PTPRQ: variants seen among roughly 807,000 people sequenced by gnomAD.
The protein encoded by PTPRQ is phosphatidylinositol phosphatase PTPRQ.
PTPRQ carries 199 observed loss-of-function variants against 246.0 expected under a neutral mutation model. The observed-to-expected ratio is 0.81, with a 90% confidence interval of 0.72 to 0.91. The LOEUF is 0.91. Ranked by LOEUF, PTPRQ falls within the 40% of genes least tolerant of loss-of-function variation. The pLI is 0.00. For missense variants in PTPRQ, 2,624 were observed against 2,528.4 expected (o/e 1.04, Z -0.81); for synonymous variants, 869 against 853.2 (o/e 1.02, Z -0.32).
chr12:80,534,823 A>G, intron 18 of PTPRQ, 69 bp from the exon 19 acceptor site: 2 of 1,474,092 alleles, frequency 1.4e-6, no homozygotes, highest in Non-Finnish European at 1.8e-6. Flanking sequence ...CTGTAGGTAA[A>G]ATTCAGGCCA....
At chr12:80,466,122 A>C (rs1387411512) in intron 6 of PTPRQ, among the ~76,000 whole-genome samples, 1 of 152,246 alleles carries the variant, frequency 6.6e-6, no homozygotes, top group Non-Finnish European at 1.5e-5. Context: ...GTCTCAGCCC[A>C]AAATCTCCTT....
intron 8 of PTPRQ, among the ~76,000 whole-genome samples, chr12:80,477,673 C>T (rs1893860872): frequency 6.6e-6 from 1 of 151,894 alleles, no homozygotes; most frequent in Non-Finnish European, 1.5e-5. Flanking sequence ...GGTGTGCGCA[C>T]CGTGTGCGAG....
rs1238528304 is a variant in PTPRQ, at chr12:80,468,821, A to C, written c.1022A>C (p.Glu341Ala). 2 of 1,548,998 alleles carry C rather than the reference A, an allele frequency of 1.3e-6. No homozygotes were observed. The highest frequency in any genetic ancestry group is 1.7e-6 in the Non-Finnish European group (2 of 1,145,880). ...IVTGKFSYRVELYGPSGRILD... is the reference protein window; with the variant it reads ...IVTGKFSYRVALYGPSGRILD... The stretch of plus-strand genomic sequence containing the variant: ...ACAGGGAAATTTAGTTATAGAGTTG[A>C]ATTATATGGACCATCAGGTAAGCCT... The change falls in exon 7 of 45, where the codon GAA (glutamate) becomes GCA (alanine). Residue 341 changes from glutamate (E) to alanine (A), a missense_variant. Glu to Ala is a moderately radical substitution (Grantham distance 107, BLOSUM62 -1). Transcript: ENST00000644991.
intron 26 of PTPRQ, among the ~76,000 whole-genome samples, chr12:80,595,926 A>C (rs1213189265): frequency 6.6e-6 from 1 of 152,156 alleles, no homozygotes; most frequent in African/African-American, 2.4e-5. Context: ...ATTGCATGTA[A>C]GAAATATGAA....
At chr12:80,473,905 A>G (rs1893731386) in intron 8 of PTPRQ, among the ~76,000 whole-genome samples, 1 of 152,192 alleles carries the variant, frequency 6.6e-6, no homozygotes. Flanking sequence ...CACTCCTCCT[A>G]TAGATCACAC....
chr12:80,543,051 G>A (rs552675453), intron 23 of PTPRQ, among the ~76,000 whole-genome samples, 170 bp downstream of exon 23: 1 of 152,120 alleles, frequency 6.6e-6, no homozygotes, highest in South Asian at 2.1e-4. Context: ...GCAAGCGTTT[G>A]ACAGATATAT....
intron 8 of PTPRQ, among the ~76,000 whole-genome samples, chr12:80,482,735 C>G (rs1051919183): frequency 9.9e-5 from 15 of 151,302 alleles, no homozygotes; most frequent in Admixed American, 3.9e-4. Flanking sequence ...AGACACTTCT[C>G]AAAAGAAGAC....
At chr12:80,614,134 G>C (rs942606352) in intron 29 of PTPRQ, among the ~76,000 whole-genome samples, 2 of 150,526 alleles carry the variant, frequency 1.3e-5, no homozygotes, top group Admixed American at 6.7e-5. Context: ...GATATATAAA[G>C]AGATAACTCT....
intron 38 of PTPRQ, among the ~76,000 whole-genome samples, chr12:80,657,760 A>G (rs1900491079): frequency 6.6e-6 from 1 of 151,936 alleles, no homozygotes; most frequent in South Asian, 2.1e-4. Context: ...AAATTAGAAT[A>G]TAAAGAATAT....
chr12:80,495,308 A>G lies in PTPRQ; in HGVS notation c.1819A>G (p.Met607Val), dbSNP rs1410438554. The G allele has an allele frequency of 7.1e-6, 11 of 1,545,258 alleles. No homozygotes were observed. Among genetic ancestry groups the G allele is most frequent in the African/African-American group, 1.4e-5 (1 of 72,664 alleles). The change falls in exon 12 of 45, where the codon ATG (methionine) becomes GTG (valine). Residue 607 changes from methionine to valine, a missense_variant. By Grantham distance (21) the Met-to-Val change is conservative (BLOSUM62 1). Transcript: ENST00000644991. ...GKITHYTIYA[M>V]ELDTNRAFQI... ...AATAACTCACTATACGATTTATGCA[A>G]TGGAATTGGATACAAACAGAGCATT...
intron 43 of PTPRQ, among the ~76,000 whole-genome samples, chr12:80,675,612 GA>G (rs1182303192): frequency 3.3e-5 from 5 of 152,042 alleles, no homozygotes; most frequent in African/African-American, 7.2e-5. Flanking sequence ...AGTAAAAGCT[GA>G]AAAAACTTCC....
chr12:80,546,525 A>G lies in PTPRQ; in HGVS notation c.3874-31A>G, dbSNP rs1423676783. On this transcript the variant is annotated intron_variant, in intron 23 of 44. Transcript: ENST00000644991. ...TTGATGAACAATTTTTTGACAGTGC[A>G]TTAACTAATAACTTTTTTTCTGTTT... The G allele has an allele frequency of 3.9e-6, 6 of 1,531,534 alleles. No individual in the cohort carries two copies. In the African/African-American group the frequency reaches 8.4e-5, roughly 21 times the overall value. The allele number at this position is 1,531,534 out of a possible 1,614,324, so 94.9% of individuals were successfully genotyped here.
In PTPRQ at chr12:80,493,293, G is replaced by T; in HGVS notation, c.1378G>T (p.Ala460Ser). Residue 460 changes from alanine (A) to serine (S), a missense_variant, in exon 10 of 45, where the codon GCT becomes TCT. Physicochemically the swap from Ala to Ser is moderately conservative, Grantham distance 99. Coordinates refer to ENST00000644991, the MANE Select transcript of PTPRQ (RefSeq NM_001145026.2). ...GNNEYINDPM[A>S]PEIVNIVEPM... The stretch of plus-strand genomic sequence containing the variant: ...ATTACAGTATATAAATGACCCCATG[G>T]CTCCAGAAATTGTGAACATAGTAGA... 6.5e-7 allele frequency: 1 copy of T among 1,536,712 alleles called. No homozygotes were observed. Among genetic ancestry groups the T allele is most frequent in the Non-Finnish European group, 8.8e-7 (1 of 1,140,634 alleles).
intron 3 of PTPRQ, chr12:80,454,618 C>G: frequency 1.5e-6 from 1 of 685,364 alleles, no homozygotes; most frequent in Non-Finnish European, 2.6e-6. Flanking sequence ...ATATATAGCT[C>G]TTATTATTTT....
chr12:80,540,060 A>T (rs1896107316), intron 20 of PTPRQ, 116 bp downstream of exon 20: 6 of 901,320 alleles, frequency 6.7e-6, no homozygotes, highest in Middle Eastern at 7.2e-4. Context: ...CACGTTCATT[A>T]TAGGAGTTTG....
In PTPRQ at chr12:80,678,986, G is replaced by T; in HGVS notation, c.6863G>T (p.Gly2288Val). The change falls in exon 45 of 45, where the codon GGT becomes GTT. Residue 2288 changes from glycine to valine, a missense_variant and splice_region_variant. Coordinates refer to ENST00000644991, the MANE Select transcript of PTPRQ (RefSeq NM_001145026.2). Reference sequence around the variant, plus strand: ...TGTAACATGTTACTTTCTGTTATAGGTGATGTTGAGCTTGAATGGGAAGAA... The same window carrying T: ...TGTAACATGTTACTTTCTGTTATAGTTGATGTTGAGCTTGAATGGGAAGAA... ...QKMDSLDAMEGDVELEWEETT... is the reference protein window; with the variant it reads ...QKMDSLDAMEVDVELEWEETT... 6.5e-7 allele frequency: 1 copy of T among 1,546,088 alleles called. No individual in the cohort carries two copies.
rs145287751 is a variant in PTPRQ at position 80,676,422 on chromosome 12, C to G, written c.6739-2180C>G. Reference sequence around the variant, plus strand: ...CTTTGGGAGGCCAAGGTGGGCGGATCACCAGGGGTCAGGAGTTCGAGACCA... The same window carrying G: ...CTTTGGGAGGCCAAGGTGGGCGGATGACCAGGGGTCAGGAGTTCGAGACCA... On this transcript the variant is annotated intron_variant, in intron 43 of 44. Coordinates refer to ENST00000644991, the MANE Select transcript of PTPRQ (RefSeq NM_001145026.2). Among the ~76,000 whole-genome samples, 453 of 152,244 alleles carry G rather than the reference C, an allele frequency of 3.0e-3. 1 individual carries two copies. The highest frequency in any genetic ancestry group is 6.8e-3 in the Middle Eastern group (2 of 294).
At position 80,613,849 on chromosome 12, in the gene PTPRQ, A is replaced by G. The variant is rs763300003; in HGVS notation, c.5163+13A>G. 186 of 1,479,376 alleles carry G rather than the reference A, an allele frequency of 1.3e-4. No individual in the cohort carries two copies. The highest frequency in any genetic ancestry group is 1.3e-4 in the Non-Finnish European group (141 of 1,113,192). The allele number at this position is 1,479,376 out of a possible 1,614,324, so 91.6% of individuals were successfully genotyped here. A position where few individuals can be genotyped will look rare whatever the true frequency, so the allele number is the denominator to read the frequency against. Reference sequence around the variant, plus strand: ...ATACAATATCAGTGTAAGAATCCGTAGCTTCAGTTAATTACCCAAATGACA... The same window carrying G: ...ATACAATATCAGTGTAAGAATCCGTGGCTTCAGTTAATTACCCAAATGACA... On this transcript the variant is annotated intron_variant, in intron 29 of 44. Transcript: ENST00000644991.
intron 38 of PTPRQ, among the ~76,000 whole-genome samples, chr12:80,656,543 T>G (rs1054784712): frequency 3.3e-5 from 5 of 152,106 alleles, no homozygotes; most frequent in Non-Finnish European, 7.4e-5. Context: ...TAAAAATCAT[T>G]ACTGGATGTT....
Sources: allele counts gnomAD v4.1 joint callset (sites outside exome capture counted in the v4.1 genomes callset), GRCh38; gene constraint gnomAD v4.1.1; transcripts MANE v1.5; gene names NCBI Gene and HGNC (gene_info 2026-07-23, HGNC 2026-07-21).